The following NOL10 variants were observed in gnomAD, a reference collection of about 807,000 sequenced individuals.
NOL10 encodes nucleolar protein 10.
A neutral mutation model predicts 103.5 loss-of-function variants in NOL10; 58 were observed. The ratio of observed to expected loss-of-function variants is 0.56; its 90% CI spans 0.45 to 0.70. The LOEUF is 0.70. NOL10 is among the 30% of genes least tolerant of loss of function. NOL10 has a pLI of 0.00. For synonymous variants in NOL10, 287 were observed against 282.5 expected (o/e 1.02, Z -0.16); for missense variants, 763 against 807.3 (o/e 0.95, Z 0.67).
chr2:10,655,239 G>A, intron 11 of NOL10, among the ~76,000 whole-genome samples: 2 of 146,788 alleles, frequency 1.4e-5, no homozygotes, highest in African/African-American at 2.5e-5. Context: ...AGAAAAGAAA[G>A]GAAGGAAGGA....
At chr2:10,637,188 CAAAAAA>C (rs61693251) in intron 13 of NOL10, among the ~76,000 whole-genome samples, 3 of 44,532 alleles carry the variant, frequency 6.7e-5, no homozygotes, top group African/African-American at 8.5e-5. Flanking sequence ...GACACTGTCT[CAAAAAA>C]AAAAAAAAAA....
chr2:10,675,285 TGA>T (rs1214470605), intron 4 of NOL10, among the ~76,000 whole-genome samples: 11 of 151,442 alleles, frequency 7.3e-5, no homozygotes, highest in African/African-American at 2.7e-4. Context: ...AAGGTGGAGG[TGA>T]GTGTGTGATG....
chr2:10,640,370 G>C (rs374933926), intron 13 of NOL10, among the ~76,000 whole-genome samples: 9 of 152,164 alleles, frequency 5.9e-5, no homozygotes, highest in African/African-American at 2.2e-4. Context: ...AGTACTGTGG[G>C]AGGGAGCAGG....
At chr2:10,579,459 A>G (rs140559646) in intron 19 of NOL10, among the ~76,000 whole-genome samples, 8 of 152,280 alleles carry the variant, frequency 5.3e-5, no homozygotes, top group African/African-American at 1.7e-4. Context: ...GTGTCAGGCC[A>G]TACTTGATTT....
At chr2:10,676,866 G>A (rs1681343110) in intron 3 of NOL10, among the ~76,000 whole-genome samples, 1 of 151,626 alleles carries the variant, frequency 6.6e-6, no homozygotes. Flanking sequence ...TCGAACTCCT[G>A]ACCTCAGGTG....
chr2:10,677,311 A>C (rs760328494), intron 3 of NOL10, among the ~76,000 whole-genome samples: 4 of 152,164 alleles, frequency 2.6e-5, no homozygotes, highest in African/African-American at 9.7e-5. Context: ...CGTGAAGTGC[A>C]ATTTCGGAGA....
intron 4 of NOL10, 95 bp downstream of exon 4, chr2:10,675,698 TA>T: frequency 1.4e-6 from 1 of 701,718 alleles, no homozygotes; most frequent in Non-Finnish European, 2.4e-6. Flanking sequence ...TATACAGCAA[TA>T]AAAAACTAAT....
chr2:10,593,379 C>T (rs762930125), intron 17 of NOL10, among the ~76,000 whole-genome samples: 10 of 152,022 alleles, frequency 6.6e-5, no homozygotes, highest in Admixed American at 3.3e-4. Flanking sequence ...CCTGGTGATT[C>T]GCCTGCCTCG....
chr2:10,667,883 A>G (rs576641625), intron 7 of NOL10, among the ~76,000 whole-genome samples: 4 of 152,260 alleles, frequency 2.6e-5, no homozygotes, highest in African/African-American at 9.6e-5. Flanking sequence ...AAAAAAAATT[A>G]GAGTTTATTT....
chr2:10,644,432 T>C (rs1678921721), intron 12 of NOL10, 60 bp from the exon 13 acceptor site: 1 of 1,263,538 alleles, frequency 7.9e-7, no homozygotes, highest in Middle Eastern at 2.1e-4. Flanking sequence ...CCCTTTTCTA[T>C]TTGCTTTCCA....
intron 13 of NOL10, among the ~76,000 whole-genome samples, chr2:10,625,190 AC>A (rs1441170916): frequency 3.3e-5 from 5 of 152,106 alleles, no homozygotes; most frequent in African/African-American, 1.2e-4. Flanking sequence ...TGATATTATG[AC>A]CGTGTATACA....
intron 20 of NOL10, among the ~76,000 whole-genome samples, chr2:10,576,093 T>G (rs1674437447): frequency 6.6e-6 from 1 of 152,144 alleles, no homozygotes; most frequent in Admixed American, 6.5e-5. Context: ...TCTCCAGAGA[T>G]GACACACAAA....
chr2:10,583,190 T>C (rs1352825701), intron 19 of NOL10, among the ~76,000 whole-genome samples: 2 of 152,260 alleles, frequency 1.3e-5, no homozygotes, highest in African/African-American at 4.8e-5. Flanking sequence ...GTCTGCTTTC[T>C]AACAGAATTT....
intron 13 of NOL10, among the ~76,000 whole-genome samples, chr2:10,643,799 A>G (rs1678874731): frequency 6.6e-6 from 1 of 152,242 alleles, no homozygotes; most frequent in South Asian, 2.1e-4. Flanking sequence ...ACTAATTTAT[A>G]ATGTCTGTTT....
intron 17 of NOL10, among the ~76,000 whole-genome samples, chr2:10,590,199 T>G (rs1675323091): frequency 6.6e-6 from 1 of 152,152 alleles, no homozygotes; most frequent in African/African-American, 2.4e-5. Flanking sequence ...CCCAACCTCC[T>G]GGGCTCAAGT....
intron 8 of NOL10, among the ~76,000 whole-genome samples, chr2:10,663,589 T>A (rs1292048897): frequency 6.6e-6 from 1 of 152,060 alleles, no homozygotes; most frequent in Non-Finnish European, 1.5e-5. Flanking sequence ...AATATATATA[T>A]CACTAAACTT....
intron 17 of NOL10, among the ~76,000 whole-genome samples, chr2:10,594,245 G>A (rs1375677780): frequency 6.6e-6 from 1 of 152,130 alleles, no homozygotes; most frequent in Non-Finnish European, 1.5e-5. Flanking sequence ...ACTTCCCGAG[G>A]AAAAGCAGCA....
chr2:10,624,645 A>T (rs1317791934), intron 13 of NOL10, among the ~76,000 whole-genome samples: 2 of 152,124 alleles, frequency 1.3e-5, no homozygotes, highest in Non-Finnish European at 2.9e-5. Flanking sequence ...AAAATAATAA[A>T]AACACTGATT....
chr2:10,653,206 A>C (rs946254765), intron 12 of NOL10, among the ~76,000 whole-genome samples: 3 of 151,950 alleles, frequency 2.0e-5, no homozygotes, highest in Admixed American at 6.6e-5. Context: ...AAAAAAAAAA[A>C]AAAACCACAC....
Sources: gnomAD v4.1 joint callset for allele counts (sites outside exome capture counted in the v4.1 genomes callset) on GRCh38, gnomAD v4.1.1 for gene constraint, MANE v1.5 for transcripts, NCBI Gene and HGNC (gene_info 2026-07-23, HGNC 2026-07-21) for gene names.